LRP1B: variants seen among roughly 807,000 people sequenced by gnomAD.
LRP1B encodes low-density lipoprotein receptor-related protein 1B.
In LRP1B, 217 loss-of-function variants were observed where a neutral mutation model predicts 556.6. The ratio of observed to expected loss-of-function variants is 0.39; its 90% confidence interval spans 0.35 to 0.44. The LOEUF is 0.44. Among genes scored for constraint, LRP1B ranks in the 20% least tolerant of loss-of-function variants. LRP1B has a pLI of 1.00. For missense variants in LRP1B, 5,053 were observed against 5,620.8 expected, an observed-to-expected ratio of 0.90 and a Z score of 3.23; for synonymous variants, 2,047 against 1,865.8, an observed-to-expected ratio of 1.10 and a Z score of -2.50.
chr2:140,532,252 A>G (rs970957708), intron 47 of LRP1B, among the ~76,000 whole-genome samples: 1 of 152,116 alleles, frequency 6.6e-6, no homozygotes, highest in Non-Finnish European at 1.5e-5. Flanking sequence ...TGTAAATTTG[A>G]TTATATTTGG....
At chr2:140,570,888 C>T (rs948001177) in intron 43 of LRP1B, among the ~76,000 whole-genome samples, 3 of 151,720 alleles carry the variant, frequency 2.0e-5, no homozygotes, top group Non-Finnish European at 3.0e-5. Context: ...AAATGTGATA[C>T]ATTATGTTAC....
chr2:141,489,699 G>A (rs951668547), intron 2 of LRP1B, among the ~76,000 whole-genome samples: 1 of 152,048 alleles, frequency 6.6e-6, no homozygotes, highest in Admixed American at 6.6e-5. Context: ...TTACGTCTGA[G>A]CTACTTCACC....
intron 29 of LRP1B, among the ~76,000 whole-genome samples, chr2:140,843,705 A>C (rs1304129918): frequency 2.0e-5 from 3 of 152,140 alleles, no homozygotes; most frequent in Non-Finnish European, 4.4e-5. Context: ...CCCTTCAACC[A>C]CAAAAACCTA....
chr2:140,509,109 C>CACAT (rs1553476942), intron 52 of LRP1B, among the ~76,000 whole-genome samples: 2 of 148,526 alleles, frequency 1.3e-5, no homozygotes, highest in Non-Finnish European at 3.0e-5. Context: ...CACACACACA[C>CACAT]AGACACTTAT....
At chr2:141,797,483 G>C (rs1011330696) in intron 2 of LRP1B, among the ~76,000 whole-genome samples, 39 of 151,900 alleles carry the variant, frequency 2.6e-4, no homozygotes, top group African/African-American at 8.9e-4. Flanking sequence ...GAGGGTGAGT[G>C]ACACAATTCA....
intron 31 of LRP1B, among the ~76,000 whole-genome samples, chr2:140,816,614 T>C (rs994591335): frequency 6.6e-6 from 1 of 152,194 alleles, no homozygotes; most frequent in Non-Finnish European, 1.5e-5. Context: ...TATATATGTA[T>C]GCATATGATG....
chr2:140,618,215 A>T (rs937421957), intron 41 of LRP1B, among the ~76,000 whole-genome samples: 5 of 151,946 alleles, frequency 3.3e-5, no homozygotes, highest in Non-Finnish European at 5.9e-5. Flanking sequence ...AAATAAGAAA[A>T]TAAATTAAGA....
chr2:141,751,170 G>A (rs1324913721), intron 2 of LRP1B, among the ~76,000 whole-genome samples: 1 of 151,748 alleles, frequency 6.6e-6, no homozygotes, highest in Non-Finnish European at 1.5e-5. Flanking sequence ...AACACATCAG[G>A]AAATAAACTC....
chr2:141,505,427 T>A (rs953050401), intron 2 of LRP1B, among the ~76,000 whole-genome samples: 1 of 152,230 alleles, frequency 6.6e-6, no homozygotes, highest in African/African-American at 2.4e-5. Flanking sequence ...ACAGTATGTA[T>A]ACTCACTTGT....
chr2:140,466,294 T>C (rs1383098968), intron 60 of LRP1B, among the ~76,000 whole-genome samples: 1 of 152,102 alleles, frequency 6.6e-6, no homozygotes, highest in East Asian at 1.9e-4. Context: ...TCATGCCATT[T>C]CACCAGTAAC....
chr2:141,087,578 C>A (rs1437867040), intron 7 of LRP1B, among the ~76,000 whole-genome samples: 2 of 152,194 alleles, frequency 1.3e-5, no homozygotes, highest in Non-Finnish European at 2.9e-5. Context: ...AAACAACACA[C>A]AGTTCTGCCA....
At chr2:140,989,465 T>C in intron 17 of LRP1B, 67 bp downstream of exon 17, 1 of 1,576,938 alleles carries the variant, frequency 6.3e-7, no homozygotes. Flanking sequence ...GTTCAAAGCA[T>C]TTACTTGCAT....
At chr2:141,352,753 C>T (rs1480309546) in intron 3 of LRP1B, among the ~76,000 whole-genome samples, 1 of 151,910 alleles carries the variant, frequency 6.6e-6, no homozygotes, top group Non-Finnish European at 1.5e-5. Flanking sequence ...GGAAGTATTA[C>T]AGCCTTGGTC....
At chr2:141,676,470 T>G (rs572035320) in intron 2 of LRP1B, among the ~76,000 whole-genome samples, 15 of 152,270 alleles carry the variant, frequency 9.9e-5, no homozygotes, top group African/African-American at 3.4e-4. Context: ...AAAATAGTCC[T>G]TCACTTCAGG....
chr2:141,414,237 CAAAA>C (rs775634408), intron 3 of LRP1B, among the ~76,000 whole-genome samples: 1 of 35,400 alleles, frequency 2.8e-5, no homozygotes, highest in Admixed American at 2.7e-4. Context: ...GACTCTATCT[CAAAA>C]AAAAAAAAAA....
intron 3 of LRP1B, among the ~76,000 whole-genome samples, chr2:141,444,387 T>C (rs1177662469): frequency 6.6e-6 from 1 of 152,202 alleles, no homozygotes; most frequent in Non-Finnish European, 1.5e-5. Flanking sequence ...TAGAGATAAT[T>C]TGACTTCCTC....
chr2:140,697,884 A>G (rs534298093), intron 41 of LRP1B, among the ~76,000 whole-genome samples: 1 of 152,228 alleles, frequency 6.6e-6, no homozygotes, highest in Non-Finnish European at 1.5e-5. Context: ...GAAATGTAAT[A>G]AAAGCCACTG....
At chr2:140,875,374 T>G (rs1320254229) in intron 25 of LRP1B, among the ~76,000 whole-genome samples, 1 of 152,192 alleles carries the variant, frequency 6.6e-6, no homozygotes, top group Non-Finnish European at 1.5e-5. Flanking sequence ...TATAAAAGGC[T>G]TATGGAAGTT....
intron 7 of LRP1B, among the ~76,000 whole-genome samples, chr2:141,154,060 T>A (rs1325995891): frequency 6.6e-6 from 1 of 151,844 alleles, no homozygotes; most frequent in South Asian, 2.1e-4. Context: ...GTCTGCTATG[T>A]TAGATATGAG....
Sources: allele counts gnomAD v4.1 joint callset (sites outside exome capture counted in the v4.1 genomes callset), GRCh38; gene constraint gnomAD v4.1.1; transcripts MANE v1.5; gene names NCBI Gene and HGNC (gene_info 2026-07-23, HGNC 2026-07-21).